The following UBAC2 variants were observed in gnomAD, a reference collection of about 807,000 sequenced individuals.
The protein encoded by UBAC2 is UBA domain containing 2, also known as ubiquitin-associated domain-containing protein 2.
A neutral mutation model predicts 44.0 loss-of-function variants in UBAC2; 26 were observed. That is an observed-to-expected ratio of 0.59 (90% CI 0.43 to 0.82). The LOEUF (loss-of-function observed/expected upper bound fraction) is 0.82. UBAC2 is among the 40% of genes least tolerant of loss of function. The pLI is 0.00. For synonymous variants in UBAC2, 155 were observed against 154.3 expected (o/e 1.00, Z -0.04); for missense variants, 329 against 419.4 (o/e 0.78, Z 1.88).
At chr13:99,341,933 A>G (rs2044896416) in intron 7 of UBAC2, among the ~76,000 whole-genome samples, 1 of 152,200 alleles carries the variant, frequency 6.6e-6, no homozygotes, top group Non-Finnish European at 1.5e-5. Flanking sequence ...CCATTTCACC[A>G]ATATCAAAAG....
intron 1 of UBAC2, among the ~76,000 whole-genome samples, chr13:99,208,518 C>G (rs2042901492): frequency 6.6e-6 from 1 of 152,212 alleles, no homozygotes; most frequent in African/African-American, 2.4e-5. Context: ...GAAATGTAGG[C>G]TCCATTTAAA....
At chr13:99,242,816 G>T (rs1594038524) in intron 2 of UBAC2, among the ~76,000 whole-genome samples, 2 of 141,334 alleles carry the variant, frequency 1.4e-5, no homozygotes, top group Non-Finnish European at 1.5e-5. Context: ...CGGGCGGAGG[G>T]GCTCCTCACT....
chr13:99,273,031 G>A (rs2043837600), intron 4 of UBAC2, among the ~76,000 whole-genome samples: 1 of 149,936 alleles, frequency 6.7e-6, no homozygotes, highest in Admixed American at 6.6e-5. Context: ...ATCTTTTCAA[G>A]ATTAACCTAA....
At chr13:99,236,558 A>G (rs1253929510) in intron 1 of UBAC2, among the ~76,000 whole-genome samples, 4 of 152,234 alleles carry the variant, frequency 2.6e-5, no homozygotes, top group African/African-American at 9.6e-5. Flanking sequence ...GACAGGAATA[A>G]CAGAGGCTGG....
intron 4 of UBAC2, among the ~76,000 whole-genome samples, chr13:99,265,686 C>T (rs2043734316): frequency 6.6e-6 from 1 of 152,218 alleles, no homozygotes; most frequent in Non-Finnish European, 1.5e-5. Context: ...CTTCACCCAG[C>T]AGGCCCTCAG....
intron 5 of UBAC2, among the ~76,000 whole-genome samples, chr13:99,315,854 G>C (rs889930107): frequency 6.6e-6 from 1 of 152,010 alleles, no homozygotes; most frequent in Non-Finnish European, 1.5e-5. Flanking sequence ...ATCTCTCGGG[G>C]AAAGGGGGTC....
intron 4 of UBAC2, among the ~76,000 whole-genome samples, chr13:99,292,125 TC>T (rs989906937): frequency 9.2e-5 from 14 of 151,770 alleles, no homozygotes; most frequent in Admixed American, 5.3e-4. Context: ...GGGGTTACAT[TC>T]CTTTTTTTTT....
intron 6 of UBAC2, among the ~76,000 whole-genome samples, chr13:99,335,332 A>G (rs1317241970): frequency 1.3e-5 from 2 of 151,304 alleles, no homozygotes; most frequent in Non-Finnish European, 2.9e-5. Context: ...TTTATATCAG[A>G]TCTTCAGAAA....
chr13:99,379,498 C>T (rs998565209), intron 8 of UBAC2, among the ~76,000 whole-genome samples: 4 of 152,158 alleles, frequency 2.6e-5, no homozygotes, highest in African/African-American at 4.8e-5. Context: ...TTCATAGTTC[C>T]TTTTCATTTT....
chr13:99,372,454 T>G (rs1462269258), intron 8 of UBAC2: 1 of 152,932 alleles, frequency 6.5e-6, no homozygotes, highest in African/African-American at 2.4e-5. Flanking sequence ...CAAAGACCAC[T>G]GCCTGTTCTG....
chr13:99,291,631 G>T (rs2044090133), intron 4 of UBAC2, among the ~76,000 whole-genome samples: 1 of 152,134 alleles, frequency 6.6e-6, no homozygotes, highest in African/African-American at 2.4e-5. Flanking sequence ...TCTGTATTTA[G>T]TTTTAAATTG....
At chr13:99,377,995 A>G (rs1036455564) in intron 8 of UBAC2, among the ~76,000 whole-genome samples, 2 of 152,238 alleles carry the variant, frequency 1.3e-5, no homozygotes, top group African/African-American at 4.8e-5. Flanking sequence ...TCACGGAAGC[A>G]TGAACCTGGT....
chr13:99,378,868 A>T (rs1185892231), intron 8 of UBAC2, among the ~76,000 whole-genome samples: 2 of 152,258 alleles, frequency 1.3e-5, no homozygotes, highest in African/African-American at 4.8e-5. Flanking sequence ...TTTATCCTTC[A>T]TTGATCTAAG....
At chr13:99,304,169 G>A (rs910483977) in intron 4 of UBAC2, among the ~76,000 whole-genome samples, 1 of 152,152 alleles carries the variant, frequency 6.6e-6, no homozygotes, top group Admixed American at 6.5e-5. Context: ...TCCCCTGATC[G>A]TGGCCTGGCT....
At chr13:99,263,681 G>A (rs973866182) in intron 4 of UBAC2, among the ~76,000 whole-genome samples, 3 of 152,300 alleles carry the variant, frequency 2.0e-5, no homozygotes, top group South Asian at 2.1e-4. Flanking sequence ...CAGGAGACAT[G>A]GACAAGAATG....
intron 6 of UBAC2, among the ~76,000 whole-genome samples, chr13:99,339,297 T>C (rs1292357578): frequency 1.3e-5 from 2 of 152,224 alleles, no homozygotes; most frequent in Non-Finnish European, 2.9e-5. Context: ...AGGGCTCTCC[T>C]GATGTCCCCC....
intron 7 of UBAC2, among the ~76,000 whole-genome samples, chr13:99,342,776 A>G (rs913620565): frequency 6.6e-6 from 1 of 151,576 alleles, no homozygotes; most frequent in African/African-American, 2.4e-5. Context: ...CCGACCAACC[A>G]GGTGATCTGC....
At chr13:99,319,583 A>G (rs1166551560) in intron 6 of UBAC2, among the ~76,000 whole-genome samples, 2 of 152,182 alleles carry the variant, frequency 1.3e-5, no homozygotes, top group Non-Finnish European at 2.9e-5. Context: ...CTTGCAGCCA[A>G]TATTCTGGGG....
At chr13:99,284,012 C>T (rs868573334) in intron 4 of UBAC2, among the ~76,000 whole-genome samples, 6 of 152,308 alleles carry the variant, frequency 3.9e-5, no homozygotes, top group South Asian at 2.1e-4. Flanking sequence ...GGATAACAGG[C>T]GTGAGCCACC....
Sources: gnomAD v4.1 joint callset for allele counts (sites outside exome capture counted in the v4.1 genomes callset) on GRCh38, gnomAD v4.1.1 for gene constraint, MANE v1.5 for transcripts, NCBI Gene and HGNC (gene_info 2026-07-23, HGNC 2026-07-21) for gene names.